Variants in SUSD4 observed in about 807,000 individuals in gnomAD.
SUSD4 encodes sushi domain-containing protein 4.
SUSD4 carries 41 observed loss-of-function variants against 50.5 expected under a neutral mutation model. The observed-to-expected ratio is 0.81, with a 90% CI of 0.63 to 1.05. SUSD4 has a LOEUF of 1.05. SUSD4 is among the 50% of genes least tolerant of loss of function. The pLI, the probability that SUSD4 is intolerant of heterozygous loss-of-function variation, is 0.00. For synonymous variants in SUSD4, 257 were observed against 257.3 expected, an observed-to-expected ratio of 1.00 and a Z score of 0.01; for missense variants, 580 against 634.7, an observed-to-expected ratio of 0.91 and a Z score of 0.93.
intron 2 of SUSD4, among the ~76,000 whole-genome samples, chr1:223,334,819 T>C (rs1667368571): frequency 6.6e-6 from 1 of 152,128 alleles, no homozygotes; most frequent in African/African-American, 2.4e-5. Context: ...TGAACCCCAC[T>C]TGTAGTCTTT....
intron 2 of SUSD4, among the ~76,000 whole-genome samples, chr1:223,335,071 T>C (rs1343309691): frequency 6.6e-6 from 1 of 152,198 alleles, no homozygotes; most frequent in Non-Finnish European, 1.5e-5. Flanking sequence ...TATGGCTGAC[T>C]AGTACTCAAT....
intron 2 of SUSD4, among the ~76,000 whole-genome samples, chr1:223,362,481 CA>C (rs1487025811): frequency 6.6e-6 from 1 of 152,180 alleles, no homozygotes; most frequent in Admixed American, 6.5e-5. Flanking sequence ...ACTAGGCTCT[CA>C]AATTCAGACA....
chr1:223,232,734 G>A (rs879635118), intron 5 of SUSD4, among the ~76,000 whole-genome samples: 3 of 152,194 alleles, frequency 2.0e-5, no homozygotes, highest in Non-Finnish European at 1.5e-5. Flanking sequence ...CAGGCAGCAC[G>A]GAGTGGCATA....
intron 2 of SUSD4, among the ~76,000 whole-genome samples, chr1:223,323,725 C>A (rs1193114172): frequency 5.9e-5 from 9 of 152,114 alleles, no homozygotes; most frequent in Non-Finnish European, 1.5e-5. Context: ...TGAATGCCAG[C>A]AGGATGCATG....
Position 223,264,610 on chromosome 1 carries a change from G to T in SUSD4, c.724+20C>A. The stretch of plus-strand genomic sequence containing the variant: ...TTTAATAATACAAAATACAACTTCC[G>T]AAAGAATGAGATGTGTTACCTTCCA... On this transcript the variant is annotated intron_variant, in intron 5 of 8. Transcript: ENST00000366878. 1 of 1,611,168 alleles carries T rather than the reference G, an allele frequency of 6.2e-7. No individual in the cohort carries two copies. Among genetic ancestry groups the T allele is most frequent in the Non-Finnish European group, 8.5e-7 (1 of 1,178,036 alleles).
chr1:223,247,231 T>C (rs1361886430), intron 5 of SUSD4, among the ~76,000 whole-genome samples: 6 of 152,204 alleles, frequency 3.9e-5, no homozygotes, highest in African/African-American at 2.4e-5. Flanking sequence ...CTGGTCCACA[T>C]TGCCCACTGT....
chr1:223,274,603 TTGTC>T (rs1343292015), intron 3 of SUSD4, among the ~76,000 whole-genome samples: 13 of 152,356 alleles, frequency 8.5e-5, no homozygotes, highest in African/African-American at 2.6e-4. Context: ...CTTAGTGTCT[TTGTC>T]TGGTGCATAG....
At chr1:223,295,390 C>T (rs17163777) in intron 2 of SUSD4, among the ~76,000 whole-genome samples, 8,009 of 152,238 alleles carry the variant, frequency 0.053, 302 homozygotes, top group East Asian at 0.12. Flanking sequence ...AAGTCATTCT[C>T]TCTCATACTA....
intron 5 of SUSD4, among the ~76,000 whole-genome samples, chr1:223,255,752 T>TA (rs79189626): frequency 0.085 from 12,934 of 152,230 alleles, 605 homozygotes; most frequent in East Asian, 0.14. Flanking sequence ...CTATATCAAG[T>TA]AAAAAAGGCA....
chr1:223,349,657 G>A (rs1668246651), intron 2 of SUSD4, among the ~76,000 whole-genome samples: 1 of 152,080 alleles, frequency 6.6e-6, no homozygotes, highest in African/African-American at 2.4e-5. Flanking sequence ...ACAAACACTG[G>A]CAGTTTCATA....
rs577302421 is a variant in SUSD4, at chr1:223,261,335, G to A, written c.724+3295C>T. On this transcript the variant is annotated intron_variant, in intron 5 of 8. Coordinates refer to ENST00000366878, the MANE Select transcript of SUSD4 (RefSeq NM_017982.4). ...CCCTGTTAGATTGTAATCAGAACAT[G>A]TTAAATAGACAATGTACCTTGGTGA... is the stretch of plus-strand genomic sequence containing the variant. 5.9e-5 allele frequency among the ~76,000 whole-genome samples: 9 copies of A among 152,322 alleles called. No homozygotes were observed. The East Asian group carries it at 1.7e-3, about 29-fold the overall frequency.
At position 223,329,266 on chromosome 1, in the gene SUSD4, C is replaced by T. The variant is rs17163814; in HGVS notation, c.148+34012G>A. ...ACATGTAGATAAAATTTGGGATTAT[C>T]AATGGCCTTCATTTCTACTCAAGTT... On this transcript the variant is annotated intron_variant, in intron 2 of 8. Coordinates refer to ENST00000366878, the MANE Select transcript of SUSD4 (RefSeq NM_017982.4). Among the ~76,000 whole-genome samples the T allele has an allele frequency of 7.4e-3, 1,128 of 152,276 alleles. 36 individuals are homozygous for T. The East Asian group carries it at 0.11, about 14-fold the overall frequency.
chr1:223,270,646 T>C (rs539181822), intron 3 of SUSD4, among the ~76,000 whole-genome samples: 2 of 152,272 alleles, frequency 1.3e-5, no homozygotes, highest in African/African-American at 4.8e-5. Context: ...CTCAGCTCAC[T>C]GCAACCTCCA....
At chr1:223,322,586 TAGG>T (rs1216376525) in intron 2 of SUSD4, among the ~76,000 whole-genome samples, 2 of 151,908 alleles carry the variant, frequency 1.3e-5, no homozygotes, top group African/African-American at 4.8e-5. Flanking sequence ...TGCCATGAGG[TAGG>T]AGATTAGAAG....
At chr1:223,256,616 G>T (rs1403302967) in intron 5 of SUSD4, among the ~76,000 whole-genome samples, 2 of 152,140 alleles carry the variant, frequency 1.3e-5, no homozygotes, top group African/African-American at 4.8e-5. Flanking sequence ...CCTTCATTTT[G>T]CCACCTGCCT....
At chr1:223,270,329 C>A (rs1374823764) in intron 3 of SUSD4, among the ~76,000 whole-genome samples, 1 of 152,158 alleles carries the variant, frequency 6.6e-6, no homozygotes, top group African/African-American at 2.4e-5. Context: ...TGCGCACACA[C>A]CTGGCGAAAG....
intron 5 of SUSD4, among the ~76,000 whole-genome samples, chr1:223,250,122 T>C (rs1170164825): frequency 6.6e-6 from 1 of 152,248 alleles, no homozygotes; most frequent in Non-Finnish European, 1.5e-5. Context: ...CTCATCTTAT[T>C]TTCATTTTCA....
At chr1:223,292,687 TATGTTCTCTCAATGCC>T (rs759141064) in intron 2 of SUSD4, 36 bp from the exon 3 acceptor site, 7 of 1,605,744 alleles carry the variant, frequency 4.4e-6, no homozygotes, top group African/African-American at 1.3e-5. Flanking sequence ...TGCCTATGAA[TATGTTCTCTCAATGCC>T]AAGGGCCTTC....
chr1:223,310,396 C>A (rs1415302546), intron 2 of SUSD4, among the ~76,000 whole-genome samples: 2 of 152,146 alleles, frequency 1.3e-5, no homozygotes, highest in African/African-American at 2.4e-5. Flanking sequence ...GGCACCTGAG[C>A]CAAAACAATT....
Sources: gnomAD v4.1 joint callset for allele counts (sites outside exome capture counted in the v4.1 genomes callset) on GRCh38, gnomAD v4.1.1 for gene constraint, MANE v1.5 for transcripts, NCBI Gene and HGNC (gene_info 2026-07-23, HGNC 2026-07-21) for gene names.